Variants in PTPRD observed in about 807,000 individuals in gnomAD.
PTPRD encodes protein tyrosine phosphatase receptor type D.
Under a neutral mutation model 214.5 loss-of-function variants are expected in PTPRD, and 34 were observed. The observed-to-expected ratio is 0.16, with a 90% CI of 0.12 to 0.21. The LOEUF is 0.21. Among genes scored for constraint, PTPRD ranks in the 10% least tolerant of loss-of-function variants. PTPRD has a pLI of 1.00. For synonymous variants in PTPRD, 1,128 were observed against 845.7 expected (o/e 1.33, Z -5.79); for missense variants, 2,545 against 2,398.7 (o/e 1.06, Z -1.27).
intron 5 of PTPRD, among the ~76,000 whole-genome samples, chr9:9,787,772 T>TTTTTTATTATTA (rs1555076283): frequency 4.7e-5 from 7 of 149,082 alleles, no homozygotes; most frequent in East Asian, 2.0e-4. Context: ...CAATTTTTTA[T>TTTTTTATTATTA]TTATTATTAT....
chr9:8,830,873 T>C (rs1376165834), intron 11 of PTPRD, among the ~76,000 whole-genome samples: 1 of 152,168 alleles, frequency 6.6e-6, no homozygotes, highest in African/African-American at 2.4e-5. Flanking sequence ...TTTCTAACAA[T>C]TCTCTTCAAT....
At chr9:10,510,298 G>C (rs532611949) in intron 2 of PTPRD, among the ~76,000 whole-genome samples, 3 of 151,940 alleles carry the variant, frequency 2.0e-5, no homozygotes, top group African/African-American at 4.8e-5. Flanking sequence ...TCGACAATCT[G>C]ATTGATCTTT....
intron 8 of PTPRD, among the ~76,000 whole-genome samples, chr9:9,431,792 C>G (rs896390459): frequency 6.6e-6 from 1 of 150,770 alleles, no homozygotes; most frequent in African/African-American, 2.4e-5. Context: ...TCTGAGCAAA[C>G]TATCACAAGG....
At chr9:9,747,201 T>C (rs1355562130) in intron 6 of PTPRD, among the ~76,000 whole-genome samples, 1 of 152,132 alleles carries the variant, frequency 6.6e-6, no homozygotes, top group Admixed American at 6.6e-5. Flanking sequence ...GACAGAGGTA[T>C]TGGGCTTAGC....
At chr9:8,917,284 A>T (rs1200991427) in intron 11 of PTPRD, among the ~76,000 whole-genome samples, 2 of 124,522 alleles carry the variant, frequency 1.6e-5, no homozygotes, top group Non-Finnish European at 3.3e-5. Flanking sequence ...GCCCACCACC[A>T]GCCCAGCTAA....
intron 3 of PTPRD, among the ~76,000 whole-genome samples, chr9:10,200,274 C>G (rs941536902): frequency 2.0e-4 from 30 of 152,188 alleles, no homozygotes; most frequent in African/African-American, 5.1e-4. Context: ...GACTGATAAG[C>G]TGACTGGTAT....
At chr9:9,413,988 T>C (rs775008400) in intron 8 of PTPRD, among the ~76,000 whole-genome samples, 2 of 152,220 alleles carry the variant, frequency 1.3e-5, no homozygotes, top group African/African-American at 2.4e-5. Context: ...GAGTAGAATT[T>C]TCCCTTGCAA....
At chr9:8,808,400 T>C (rs913559374) in intron 11 of PTPRD, among the ~76,000 whole-genome samples, 45 of 150,904 alleles carry the variant, frequency 3.0e-4, no homozygotes, top group African/African-American at 1.0e-3. Context: ...AACTCTAAAA[T>C]GATTCTGATG....
intron 8 of PTPRD, among the ~76,000 whole-genome samples, chr9:9,536,766 C>G (rs2076597870): frequency 6.6e-6 from 1 of 152,034 alleles, no homozygotes; most frequent in South Asian, 2.1e-4. Context: ...CATATCAACA[C>G]TAAGACTTAA....
intron 7 of PTPRD, among the ~76,000 whole-genome samples, chr9:9,595,574 GT>G (rs1563940031): frequency 2.1e-5 from 3 of 139,608 alleles, no homozygotes. Flanking sequence ...GTGTGTGTGT[GT>G]GTATATACAT....
rs150636034 is a variant in PTPRD, at chr9:8,692,184, A to G, written c.64+41596T>C. On this transcript the variant is annotated intron_variant, in intron 12 of 45. Coordinates refer to ENST00000381196, the MANE Select transcript of PTPRD (RefSeq NM_002839.4). ...AAAATAATGAAAATAAACTAAGTAA[A>G]GAGCCAGCAGGTGGATTAGAGAAGG... Among the ~76,000 whole-genome samples, 558 of 152,378 alleles carry G rather than the reference A, an allele frequency of 3.7e-3. 4 individuals are homozygous for G. The highest frequency in any genetic ancestry group is 0.013 in the African/African-American group (540 of 41,586).
intron 14 of PTPRD, among the ~76,000 whole-genome samples, chr9:8,560,601 A>G (rs2085832842): frequency 6.6e-6 from 1 of 152,202 alleles, no homozygotes; most frequent in South Asian, 2.1e-4. Flanking sequence ...GAACAAAGTC[A>G]TTCAATGAAT....
chr9:9,080,641 C>T (rs928860693), intron 10 of PTPRD, among the ~76,000 whole-genome samples: 10 of 152,088 alleles, frequency 6.6e-5, no homozygotes, highest in Non-Finnish European at 1.3e-4. Context: ...AAAGCTCTAT[C>T]TCTCTTCTGG....
rs1001519537 is a variant in PTPRD, at chr9:9,087,794, A to G, written c.-142-69059T>C. On this transcript the variant is annotated intron_variant, in intron 10 of 45. Transcript: ENST00000381196. ...TAAAATCCACATTCCTTTCATTTTC[A>G]CAATATGCCTGCTCTTCACTCAACA... Among the ~76,000 whole-genome samples the G allele has an allele frequency of 2.0e-5, 3 of 151,986 alleles. No homozygotes were observed. The South Asian group carries it at 6.2e-4, about 32-fold the overall frequency.
At position 10,515,139 on chromosome 9, in the gene PTPRD, A is replaced by G. The variant is rs192944149; in HGVS notation, c.-600+97259T>C. Among the ~76,000 whole-genome samples, 245 of 152,128 alleles carry G rather than the reference A, an allele frequency of 1.6e-3. 9 individuals are homozygous for G. The highest frequency in any genetic ancestry group is 0.016 in the Admixed American group (244 of 15,258). On this transcript the variant is annotated intron_variant, in intron 2 of 45. Transcript: ENST00000381196. ...GTATCTAATTTATAGGCCTTTTAAG[A>G]CAAAAGCCAGTTTCCCATACCAACT...
chr9:10,592,466 T>C (rs1301207313), intron 2 of PTPRD, among the ~76,000 whole-genome samples: 1 of 151,950 alleles, frequency 6.6e-6, no homozygotes, highest in African/African-American at 2.4e-5. Flanking sequence ...AACATTACAG[T>C]ATCTCATGAA....
intron 32 of PTPRD, among the ~76,000 whole-genome samples, chr9:8,460,908 T>C (rs933280518): frequency 2.6e-5 from 4 of 152,058 alleles, no homozygotes; most frequent in Admixed American, 2.6e-4. Context: ...AGTTGCAAAA[T>C]GTTTAATGAA....
rs556141680 is a variant in PTPRD at position 10,544,808 on chromosome 9, G to T, written c.-600+67590C>A. The stretch of plus-strand genomic sequence containing the variant: ...TCACTTTAATGCTTATCAGCAAAAT[G>T]ACTAATGGTCCTACATTTCAATGAC... On this transcript the variant is annotated intron_variant, in intron 2 of 45. Coordinates refer to ENST00000381196, the MANE Select transcript of PTPRD (RefSeq NM_002839.4). Among the ~76,000 whole-genome samples the T allele has an allele frequency of 2.0e-5, 3 of 152,244 alleles. No individual in the cohort carries two copies. In the East Asian group the frequency reaches 5.8e-4, roughly 29 times the overall value.
chr9:8,915,620 C>T (rs995746542), intron 11 of PTPRD, among the ~76,000 whole-genome samples: 10 of 152,072 alleles, frequency 6.6e-5, no homozygotes, highest in African/African-American at 1.2e-4. Context: ...TGAGCTGATG[C>T]GGCAGCTGTA....
Sources: gnomAD v4.1 joint callset for allele counts (sites outside exome capture counted in the v4.1 genomes callset) on GRCh38, gnomAD v4.1.1 for gene constraint, MANE v1.5 for transcripts, NCBI Gene and HGNC (gene_info 2026-07-23, HGNC 2026-07-21) for gene names.